Variants in SH3PXD2A observed in about 807,000 individuals in gnomAD.
The protein encoded by SH3PXD2A is SH3 and PX domain-containing protein 2A.
Under a neutral mutation model 115.2 loss-of-function variants are expected in SH3PXD2A, and 32 were observed. The observed-to-expected ratio is 0.28, with a 90% CI of 0.21 to 0.37. SH3PXD2A has a LOEUF of 0.37. SH3PXD2A is among the 10% of genes least tolerant of loss of function. The probability of loss-of-function intolerance (pLI) is 1.00; values close to 1 mark genes in which losing one functional copy is unlikely to be tolerated. For missense variants in SH3PXD2A, 1,328 were observed against 1,498.7 expected, an observed-to-expected ratio of 0.89 and a Z score of 1.88; for synonymous variants, 610 against 629.1, an observed-to-expected ratio of 0.97 and a Z score of 0.45.
At chr10:103,701,794 CATCT>C (rs897620698) in intron 5 of SH3PXD2A, among the ~76,000 whole-genome samples, 10 of 128,940 alleles carry the variant, frequency 7.8e-5, no homozygotes, top group South Asian at 2.6e-4. Flanking sequence ...ATCATCCATC[CATCT>C]ATCTTCATCC....
At chr10:103,755,171 C>G (rs1299030317) in intron 3 of SH3PXD2A, 3 of 152,180 alleles carry the variant, frequency 2.0e-5, no homozygotes, top group Non-Finnish European at 2.9e-5. Context: ...AGACCTCACT[C>G]TTGGAAGGGA....
chr10:103,640,682 G>A (rs1389590743), intron 8 of SH3PXD2A, among the ~76,000 whole-genome samples: 1 of 152,238 alleles, frequency 6.6e-6, no homozygotes, highest in African/African-American at 2.4e-5. Flanking sequence ...TTCCAGAGTA[G>A]AGAAGGGCAG....
intron 7 of SH3PXD2A, among the ~76,000 whole-genome samples, chr10:103,662,157 C>T (rs1396435659): frequency 6.6e-6 from 1 of 152,094 alleles, no homozygotes; most frequent in African/African-American, 2.4e-5. Context: ...AGAGGGAGGG[C>T]AGGTGGACTC....
intron 8 of SH3PXD2A, among the ~76,000 whole-genome samples, chr10:103,638,676 G>A (rs1006394702): frequency 1.3e-5 from 2 of 152,248 alleles, no homozygotes; most frequent in Non-Finnish European, 2.9e-5. Flanking sequence ...TCTCAGTGTT[G>A]TTACGAGGAT....
intron 2 of SH3PXD2A, among the ~76,000 whole-genome samples, chr10:103,794,673 C>T (rs147613910): frequency 6.6e-6 from 1 of 152,342 alleles, no homozygotes; most frequent in Non-Finnish European, 1.5e-5. Flanking sequence ...TGGGCCTCGA[C>T]GTTAGGCCCT....
At chr10:103,806,694 G>T (rs1387048954) in intron 1 of SH3PXD2A, among the ~76,000 whole-genome samples, 1 of 152,192 alleles carries the variant, frequency 6.6e-6, no homozygotes, top group Non-Finnish European at 1.5e-5. Flanking sequence ...TTCACGGGTG[G>T]AGTTTCTCTT....
intron 3 of SH3PXD2A, among the ~76,000 whole-genome samples, chr10:103,751,578 T>C (rs1281652394): frequency 1.3e-5 from 2 of 152,200 alleles, no homozygotes; most frequent in Non-Finnish European, 2.9e-5. Context: ...TTAACCAAGA[T>C]AAAATGAGAT....
chr10:103,713,148 TACAGACGTG>T (rs2038065699), intron 5 of SH3PXD2A, among the ~76,000 whole-genome samples: 1 of 152,156 alleles, frequency 6.6e-6, no homozygotes, highest in African/African-American at 2.4e-5. Flanking sequence ...GACCCAAAGT[TACAGACGTG>T]CCCAAACTCC....
intron 6 of SH3PXD2A, among the ~76,000 whole-genome samples, chr10:103,671,572 C>CT (rs763355883): frequency 6.6e-5 from 10 of 152,234 alleles, no homozygotes; most frequent in Non-Finnish European, 1.0e-4. Context: ...CTCAAAGTCC[C>CT]TCCCCCTTCT....
intron 5 of SH3PXD2A, among the ~76,000 whole-genome samples, chr10:103,723,366 G>T (rs72815793): frequency 0.095 from 14,467 of 152,216 alleles, 738 homozygotes; most frequent in South Asian, 0.14. Flanking sequence ...CTGCCCACCA[G>T]CTCCTGGGTG....
intron 5 of SH3PXD2A, among the ~76,000 whole-genome samples, chr10:103,718,151 G>A (rs574089754): frequency 8.6e-5 from 13 of 151,966 alleles, no homozygotes; most frequent in African/African-American, 1.2e-4. Context: ...GACCACAGGC[G>A]TGTGCCACCA....
In SH3PXD2A at chr10:103,601,490, A is replaced by G. The variant is rs1313751417; in HGVS notation, c.*326T>C. The G allele has an allele frequency of 4.6e-6, 1 of 216,664 alleles. No individual in the cohort carries two copies. The highest frequency in any genetic ancestry group is 9.2e-6 in the Non-Finnish European group (1 of 108,512). The allele number at this position is 216,664 out of a possible 1,614,324, so 13.4% of individuals were successfully genotyped here. On this transcript the variant is annotated 3_prime_UTR_variant, in exon 15 of 15. Coordinates refer to ENST00000369774, the MANE Select transcript of SH3PXD2A (RefSeq NM_001394015.1). ...CAAAGGCACAACTGGGGTCTCCCACATGGCCTGTCCCAGATGGCATGTAAT... is the reference window on the plus strand; with the variant it reads ...CAAAGGCACAACTGGGGTCTCCCACGTGGCCTGTCCCAGATGGCATGTAAT...
intron 1 of SH3PXD2A, among the ~76,000 whole-genome samples, chr10:103,820,854 C>A (rs567351253): frequency 6.6e-6 from 1 of 152,332 alleles, no homozygotes; most frequent in East Asian, 1.9e-4. Flanking sequence ...TAAGTGGCAT[C>A]TCCCCCAGCT....
chr10:103,789,835 C>T (rs1461484458), intron 2 of SH3PXD2A, among the ~76,000 whole-genome samples: 1 of 152,190 alleles, frequency 6.6e-6, no homozygotes, highest in African/African-American at 2.4e-5. Flanking sequence ...ACCAGGAAAA[C>T]AAGGTGTGCA....
intron 1 of SH3PXD2A, among the ~76,000 whole-genome samples, chr10:103,805,028 C>A (rs997026791): frequency 6.6e-6 from 1 of 152,200 alleles, no homozygotes; most frequent in African/African-American, 2.4e-5. Context: ...GGCCAATCCG[C>A]CCCTGGAGAG....
intron 4 of SH3PXD2A, among the ~76,000 whole-genome samples, chr10:103,735,190 T>C (rs951899507): frequency 6.6e-6 from 1 of 152,248 alleles, no homozygotes; most frequent in Non-Finnish European, 1.5e-5. Flanking sequence ...GCTGTCCTTC[T>C]CCTGCCTGCT....
intron 8 of SH3PXD2A, among the ~76,000 whole-genome samples, chr10:103,639,390 T>A (rs553812583): frequency 1.4e-4 from 21 of 152,010 alleles, no homozygotes; most frequent in African/African-American, 5.1e-4. Flanking sequence ...GGCAGGTGGA[T>A]CACGAGGTCA....
At chr10:103,812,775 CAA>C (rs2039283442) in intron 1 of SH3PXD2A, among the ~76,000 whole-genome samples, 1 of 152,216 alleles carries the variant, frequency 6.6e-6, no homozygotes, top group Non-Finnish European at 1.5e-5. Flanking sequence ...CTGTGCTCAG[CAA>C]AGCTCAACTT....
At chr10:103,757,660 C>T (rs930602922) in intron 3 of SH3PXD2A, among the ~76,000 whole-genome samples, 1 of 152,116 alleles carries the variant, frequency 6.6e-6, no homozygotes, top group Non-Finnish European at 1.5e-5. Flanking sequence ...GTGGCTGACC[C>T]CTGCAAAGCT....
Sources: gnomAD v4.1 joint callset for allele counts (sites outside exome capture counted in the v4.1 genomes callset) on GRCh38, gnomAD v4.1.1 for gene constraint, MANE v1.5 for transcripts, NCBI Gene and HGNC (gene_info 2026-07-23, HGNC 2026-07-21) for gene names.